The following MAPK10 variants were observed in gnomAD, a reference collection of about 807,000 sequenced individuals.
The protein encoded by MAPK10 is mitogen-activated protein kinase 10, also known as JNK3 alpha protein kinase.
In MAPK10, 25 loss-of-function variants were observed where a neutral mutation model predicts 59.3. That is an observed-to-expected ratio of 0.42 (90% CI 0.31 to 0.59). The LOEUF is 0.59. MAPK10 is among the 20% of genes least tolerant of loss of function. The pLI is 0.15. For missense variants in MAPK10, 351 were observed against 568.9 expected, an observed-to-expected ratio of 0.62 and a Z score of 3.90; for synonymous variants, 190 against 200.5, an observed-to-expected ratio of 0.95 and a Z score of 0.44.
intron 11 of MAPK10, among the ~76,000 whole-genome samples, chr4:86,055,292 T>C (rs1489429242): frequency 1.5e-5 from 2 of 132,764 alleles, no homozygotes; most frequent in African/African-American, 6.2e-5. Context: ...CATTCTAGGA[T>C]ACAGTAGTTT....
chr4:86,527,559 G>A (rs1183462617), intron 1 of MAPK10, among the ~76,000 whole-genome samples: 2 of 152,170 alleles, frequency 1.3e-5, no homozygotes, highest in African/African-American at 4.8e-5. Flanking sequence ...TACACTGTTG[G>A]TGGGAATGCA....
At chr4:86,133,987 T>A (rs931877441) in intron 4 of MAPK10, among the ~76,000 whole-genome samples, 1 of 152,228 alleles carries the variant, frequency 6.6e-6, no homozygotes. Context: ...AAGTACAATA[T>A]TCCTAAGAAA....
chr4:86,206,279 A>G (rs2083930174), intron 2 of MAPK10, among the ~76,000 whole-genome samples: 1 of 151,074 alleles, frequency 6.6e-6, no homozygotes, highest in Non-Finnish European at 1.5e-5. Flanking sequence ...CCCACCTATG[A>G]GTGAGAATAT....
At chr4:86,362,722 A>G (rs1217770534), upstream of MAPK10, among the ~76,000 whole-genome samples, 1 of 152,184 alleles carries the variant, frequency 6.6e-6, no homozygotes, top group Non-Finnish European at 1.5e-5. Flanking sequence ...GCAGAAATAT[A>G]CAAATTAAAA....
At position 86,294,967 on chromosome 4, in the gene MAPK10, A is replaced by C. The variant is rs139913471; in HGVS notation, c.-7+59563T>G. Among the ~76,000 whole-genome samples the C allele has an allele frequency of 3.9e-3, 588 of 152,094 alleles. 5 individuals are homozygous for C. The highest frequency in any genetic ancestry group is 0.013 in the African/African-American group (538 of 41,358). ...ATAGAGTTTGTCATCTCACCAGCCA[A>C]AACGGAAAAACCGGTGATACAGGGA... On this transcript the variant is annotated intron_variant, in intron 2 of 13. Coordinates refer to ENST00000641462, the MANE Select transcript of MAPK10 (RefSeq NM_138982.4).
intron 2 of MAPK10, among the ~76,000 whole-genome samples, chr4:86,294,808 A>G (rs896775090): frequency 2.6e-5 from 4 of 152,194 alleles, no homozygotes; most frequent in African/African-American, 9.7e-5. Context: ...CTGAAGAGAA[A>G]GAGCTCCGGA....
At chr4:86,518,608 C>A (rs1756878167) in intron 1 of MAPK10, among the ~76,000 whole-genome samples, 1 of 149,838 alleles carries the variant, frequency 6.7e-6, no homozygotes, top group African/African-American at 2.4e-5. Context: ...GTTTCAATTT[C>A]ATTTAGTTCT....
intron 4 of MAPK10, among the ~76,000 whole-genome samples, chr4:86,133,079 G>C (rs1049575542): frequency 6.6e-6 from 1 of 152,034 alleles, no homozygotes; most frequent in Non-Finnish European, 1.5e-5. Flanking sequence ...TTCTAAACAT[G>C]TATATGACAT....
intron 1 of MAPK10, among the ~76,000 whole-genome samples, chr4:86,553,610 G>A (rs1043890840): frequency 3.3e-5 from 5 of 152,134 alleles, no homozygotes; most frequent in African/African-American, 4.8e-5. Context: ...CAAAAGCTAC[G>A]TGTGCACTTT....
At position 86,288,071 on chromosome 4, in the gene MAPK10, C is replaced by T. The variant is rs1041321396; in HGVS notation, c.-7+66459G>A. ...GTCTAACTAACGCTAGTTCTGACTT[C>T]GTTATCACCTGCGAAAATAGCACCA... On this transcript the variant is annotated intron_variant, in intron 2 of 13. Transcript: ENST00000641462. 2.0e-5 allele frequency among the ~76,000 whole-genome samples: 3 copies of T among 152,118 alleles called. No homozygotes were observed. The East Asian group carries it at 5.8e-4, about 29-fold the overall frequency.
rs370665803 is a variant in MAPK10 at position 86,011,665 on chromosome 4, C to CT, written c.*5562dup. ...GTATTTTTAGGTACCTATGCTTGAC[C>CT]TTTTTTAAAGAGAGTAAGGATCTGT... On this transcript the variant is annotated 3_prime_UTR_variant, in exon 14 of 14. Transcript: ENST00000641462. 5 of 151,994 alleles carry CT rather than the reference C, an allele frequency of 3.3e-5. No homozygotes were observed. Among genetic ancestry groups the CT allele is most frequent in the African/African-American group, 1.2e-4 (5 of 41,376 alleles). The allele number at this position is 151,994 out of a possible 1,614,324, so 9.4% of individuals were successfully genotyped here.
chr4:86,565,049 G>A (rs938102181), intron 1 of MAPK10, among the ~76,000 whole-genome samples: 1 of 152,188 alleles, frequency 6.6e-6, no homozygotes, highest in African/African-American at 2.4e-5. Context: ...TGTTGAGAGT[G>A]CAGCTGGGTG....
intron 11 of MAPK10, among the ~76,000 whole-genome samples, chr4:86,039,721 C>A (rs1180708462): frequency 6.6e-6 from 1 of 152,142 alleles, no homozygotes; most frequent in Non-Finnish European, 1.5e-5. Flanking sequence ...GCCAAGTAGC[C>A]CCCTGTGGAC....
At chr4:86,511,764 G>A (rs761840448) in intron 1 of MAPK10, among the ~76,000 whole-genome samples, 2 of 147,220 alleles carry the variant, frequency 1.4e-5, no homozygotes, top group Non-Finnish European at 3.0e-5. Context: ...AGGGGAGAGA[G>A]GAAGAGAAAG....
intron 1 of MAPK10, among the ~76,000 whole-genome samples, chr4:86,550,937 T>C (rs1419494866): frequency 6.6e-6 from 1 of 152,180 alleles, no homozygotes; most frequent in African/African-American, 2.4e-5. Flanking sequence ...TGGTAATAAA[T>C]GCATTCTTCT....
At position 86,563,090 on chromosome 4, in the gene MAPK10, T is replaced by C. The variant is rs987472676; in HGVS notation, c.-263+30820A>G. ...ACCCTTGGTATGTGTCTTATATATA[T>C]TGAGCACTTAGTAAATATTTGTGCG... is the stretch of plus-strand genomic sequence containing the variant. On this transcript the variant is annotated intron_variant, in intron 1 of 4. Transcript: ENST00000502302. 5.9e-5 allele frequency among the ~76,000 whole-genome samples: 9 copies of C among 152,296 alleles called. 1 individual carries two copies. The highest frequency in any genetic ancestry group is 6.5e-5 in the Admixed American group (1 of 15,290).
chr4:86,381,772 A>G (rs976058565), intron 1 of MAPK10, among the ~76,000 whole-genome samples: 1 of 152,132 alleles, frequency 6.6e-6, no homozygotes, highest in African/African-American at 2.4e-5. Flanking sequence ...ATTTATTTAC[A>G]CAGGGACGGT....
chr4:86,396,309 T>C (rs1742938269), intron 1 of MAPK10, among the ~76,000 whole-genome samples: 1 of 152,146 alleles, frequency 6.6e-6, no homozygotes, highest in Non-Finnish European at 1.5e-5. Flanking sequence ...ATCGTGCCAC[T>C]GCACTCCAGC....
intron 2 of MAPK10, among the ~76,000 whole-genome samples, chr4:86,261,955 T>C (rs542969654): frequency 6.6e-6 from 1 of 152,366 alleles, no homozygotes; most frequent in Non-Finnish European, 1.5e-5. Flanking sequence ...GCAACTAAGG[T>C]TCTTGTCCCA....
Sources: gnomAD v4.1 joint callset for allele counts (sites outside exome capture counted in the v4.1 genomes callset) on GRCh38, gnomAD v4.1.1 for gene constraint, MANE v1.5 for transcripts, NCBI Gene and HGNC (gene_info 2026-07-23, HGNC 2026-07-21) for gene names.